The following KLRD1 variants were observed in gnomAD, a reference collection of about 807,000 sequenced individuals.
KLRD1 encodes the protein natural killer cells antigen CD94.
In KLRD1, 21 loss-of-function variants were observed where a neutral mutation model predicts 22.6. That is an observed-to-expected ratio of 0.93 (90% CI 0.66 to 1.34). The LOEUF (loss-of-function observed/expected upper bound fraction) is 1.34, where lower values mean the gene tolerates loss of function less well. Ranked by LOEUF, KLRD1 falls within the 40% of genes most tolerant of loss-of-function variation. The pLI is 0.00. For missense variants in KLRD1, 183 were observed against 208.6 expected (o/e 0.88, Z 0.76); for synonymous variants, 59 against 71.1 (o/e 0.83, Z 0.85).
At chr12:10,288,067 CAAAA>C (rs35335784) in intron 1 of KLRD1, among the ~76,000 whole-genome samples, 1 of 92,938 alleles carries the variant, frequency 1.1e-5, no homozygotes. Context: ...GACTCTGTCT[CAAAA>C]AAAAAAAAAA....
intron 1 of KLRD1, among the ~76,000 whole-genome samples, chr12:10,297,018 A>G (rs1949828348): frequency 6.6e-6 from 1 of 152,200 alleles, no homozygotes; most frequent in Admixed American, 6.5e-5. Context: ...GATCTGCCCA[A>G]TGCAATTCAC....
chr12:10,242,400 A>G (rs1443075669), intron 1 of KLRD1, among the ~76,000 whole-genome samples: 1 of 152,168 alleles, frequency 6.6e-6, no homozygotes, highest in Non-Finnish European at 1.5e-5. Flanking sequence ...TAAACAGGAA[A>G]ACATTTTCAA....
chr12:10,266,723 A>T (rs1377925650), intron 1 of KLRD1, among the ~76,000 whole-genome samples: 1 of 151,866 alleles, frequency 6.6e-6, no homozygotes, highest in East Asian at 1.9e-4. Context: ...ATATGCACAC[A>T]TTATTTGTAC....
At position 10,281,828 on chromosome 12, in the gene KLRD1, C is replaced by T. The variant is rs186074819; in HGVS notation, c.-100-26150C>T. 8.4e-4 allele frequency among the ~76,000 whole-genome samples: 128 copies of T among 152,156 alleles called. 1 individual carries two copies. The highest frequency in any genetic ancestry group is 2.9e-3 in the African/African-American group (120 of 41,520). On this transcript the variant is annotated intron_variant, in intron 1 of 5. Transcript: ENST00000544747. The stretch of plus-strand genomic sequence containing the variant: ...GAATTACTTACATAATTGGAGACTC[C>T]GGGGAAGCAGGTGAAGAGCAAGACT...
In KLRD1 at chr12:10,325,957, C is replaced by CG. The variant is rs1344096870; in HGVS notation, c.*11165dup. On this transcript the variant is annotated 3_prime_UTR_variant, in exon 6 of 6. Coordinates refer to ENST00000336164, the MANE Select transcript of KLRD1 (RefSeq NM_002262.5). Reference sequence around the variant, plus strand: ...GTGTTCAAGGGGTCTAATTACCCCACGTACTTCTCAACACTTGTCTTTCAT... The same window carrying CG: ...GTGTTCAAGGGGTCTAATTACCCCACGGTACTTCTCAACACTTGTCTTTCAT... The CG allele has an allele frequency of 6.6e-6, 1 of 152,148 alleles. No homozygotes were observed. The highest frequency in any genetic ancestry group is 1.9e-4 in the East Asian group (1 of 5,198). The allele number at this position is 152,148 out of a possible 1,614,324, so 9.4% of individuals were successfully genotyped here.
chr12:10,263,799 C>T (rs10743880), intron 1 of KLRD1, among the ~76,000 whole-genome samples: 121,850 of 151,822 alleles, frequency 0.8, 53,461 homozygotes, highest in Non-Finnish European at 0.98. Flanking sequence ...TCGCCAGACC[C>T]AGAGTATTGA....
chr12:10,272,620 G>A (rs1949560162), intron 1 of KLRD1, among the ~76,000 whole-genome samples: 1 of 152,096 alleles, frequency 6.6e-6, no homozygotes, highest in Admixed American at 6.5e-5. Flanking sequence ...TGGTTCCATT[G>A]TTCAGATTAA....
upstream of KLRD1, among the ~76,000 whole-genome samples, chr12:10,305,011 C>A (rs1004944446): frequency 3.3e-5 from 5 of 152,188 alleles, no homozygotes; most frequent in African/African-American, 9.6e-5. Flanking sequence ...TAAATTTTTC[C>A]CTTGGGGATA....
rs77693283 is a variant in KLRD1 at position 10,267,688 on chromosome 12, A to G, written c.-100-40290A>G. ...CTTTTACCTGTCACAGAATGAAAGA[A>G]GAGGAGTCTGTGCACATGCTCTATG... On this transcript the variant is annotated intron_variant, in intron 1 of 5. Transcript: ENST00000544747. Among the ~76,000 whole-genome samples, 562 of 152,338 alleles carry G rather than the reference A, an allele frequency of 3.7e-3. 2 individuals carry two copies. Among genetic ancestry groups the G allele is most frequent in the African/African-American group, 0.012 (509 of 41,572 alleles).
At chr12:10,301,850 C>G (rs535446850), upstream of KLRD1, among the ~76,000 whole-genome samples, 12 of 152,288 alleles carry the variant, frequency 7.9e-5, no homozygotes, top group Admixed American at 7.8e-4. Flanking sequence ...GAGAGTCTTC[C>G]TTTCACTTGA....
chr12:10,259,348 T>C (rs1279597956), intron 1 of KLRD1, among the ~76,000 whole-genome samples: 1 of 152,240 alleles, frequency 6.6e-6, no homozygotes, highest in Non-Finnish European at 1.5e-5. Context: ...ATTTTGTTAT[T>C]ATTTTGGTCA....
chr12:10,269,456 T>A (rs1949529682), intron 1 of KLRD1, among the ~76,000 whole-genome samples: 1 of 152,176 alleles, frequency 6.6e-6, no homozygotes, highest in Non-Finnish European at 1.5e-5. Context: ...CAGCCTCAAA[T>A]TCATTCTTTA....
Position 10,314,925 on chromosome 12 carries a change from A to G in KLRD1, c.*132A>G. On this transcript the variant is annotated 3_prime_UTR_variant, in exon 6 of 6. Transcript: ENST00000336164. ...ATGTTTTTAAACAGTGTCATATACA[A>G]TTGTCATGTATGTGAAACAATGTGT... 1 of 755,228 alleles carries G rather than the reference A, an allele frequency of 1.3e-6. No individual in the cohort carries two copies. The highest frequency in any genetic ancestry group is 1.9e-5 in the South Asian group (1 of 51,570). 46.8% of individuals were successfully genotyped at this position (755,228 alleles called of 1,614,324 possible).
chr12:10,258,657 C>A (rs1324257453), intron 1 of KLRD1, among the ~76,000 whole-genome samples: 2 of 152,036 alleles, frequency 1.3e-5, no homozygotes, highest in African/African-American at 4.8e-5. Context: ...TACCTGCAGA[C>A]AAAGTAGTCC....
In KLRD1 at chr12:10,329,608, C is replaced by T. The variant is rs1049128596; in HGVS notation, c.*14815C>T. On this transcript the variant is annotated 3_prime_UTR_variant, in exon 6 of 6. Coordinates refer to ENST00000336164, the MANE Select transcript of KLRD1 (RefSeq NM_002262.5). The stretch of plus-strand genomic sequence containing the variant: ...TATTAAAAGTGAGCACTGAAATCTC[C>T]TACTGTTATTGTATTGCTATCTATT... 1.3e-5 allele frequency: 2 copies of T among 152,094 alleles called. No individual in the cohort carries two copies. The highest frequency in any genetic ancestry group is 4.8e-5 in the African/African-American group (2 of 41,416). 9.4% of individuals were successfully genotyped at this position (152,094 alleles called of 1,614,324 possible).
intron 1 of KLRD1, among the ~76,000 whole-genome samples, chr12:10,290,177 G>A (rs918503316): frequency 1.3e-5 from 2 of 152,164 alleles, no homozygotes; most frequent in African/African-American, 2.4e-5. Context: ...AACTGCAAAG[G>A]CATTGGACAA....
rs1950382377 is a variant in KLRD1 at position 10,328,647 on chromosome 12, G to C, written c.*13854G>C. The C allele has an allele frequency of 6.6e-6, 1 of 151,712 alleles. No homozygotes were observed. Among genetic ancestry groups the C allele is most frequent in the South Asian group, 2.1e-4 (1 of 4,794 alleles). 9.4% of individuals were successfully genotyped at this position (151,712 alleles called of 1,614,324 possible). On this transcript the variant is annotated 3_prime_UTR_variant, in exon 6 of 6. Coordinates refer to ENST00000336164, the MANE Select transcript of KLRD1 (RefSeq NM_002262.5). Reference sequence around the variant, plus strand: ...CCTTTCCATTCACTATTTTATTTCTGAACTAATCTTTATTATTTTCTTTAT... The same window carrying C: ...CCTTTCCATTCACTATTTTATTTCTCAACTAATCTTTATTATTTTCTTTAT...
At chr12:10,298,901 A>T (rs1278300610) in intron 1 of KLRD1, among the ~76,000 whole-genome samples, 1 of 151,968 alleles carries the variant, frequency 6.6e-6, no homozygotes, top group East Asian at 1.9e-4. Context: ...CAGATTTCCC[A>T]CTCCACAGGC....
intron 1 of KLRD1, among the ~76,000 whole-genome samples, chr12:10,265,023 G>C (rs2137635693): frequency 6.6e-6 from 1 of 152,120 alleles, no homozygotes; most frequent in Middle Eastern, 3.4e-3. Context: ...AAAATGGCAA[G>C]ATTTCCTTTT....
Sources: gnomAD v4.1 joint callset for allele counts (sites outside exome capture counted in the v4.1 genomes callset) on GRCh38, gnomAD v4.1.1 for gene constraint, MANE v1.5 for transcripts, NCBI Gene and HGNC (gene_info 2026-07-23, HGNC 2026-07-21) for gene names.